The following CDKL5 variants were observed in gnomAD, a reference collection of about 807,000 sequenced individuals.
CDKL5 encodes cyclin-dependent kinase-like 5.
In CDKL5, 8 loss-of-function variants were observed where a neutral mutation model predicts 61.7. The ratio of observed to expected loss-of-function variants is 0.13; its 90% CI spans 0.08 to 0.23. The LOEUF (loss-of-function observed/expected upper bound fraction) is 0.23, where lower values mean the gene tolerates loss of function less well. Ranked by LOEUF, CDKL5 falls within the 10% of genes least tolerant of loss-of-function variation. CDKL5 has a pLI of 1.00. For missense variants in CDKL5, 440 were observed against 734.5 expected (o/e 0.60, Z 4.63); for synonymous variants, 275 against 272.3 (o/e 1.01, Z -0.10).
chrX:18,482,742 TTTAC>T (rs925670186), intron 1 of CDKL5, among the ~76,000 whole-genome samples: 2 of 110,446 alleles, frequency 1.8e-5, no homozygotes, highest in Non-Finnish European at 3.8e-5. Flanking sequence ...GAAAGGTATC[TTTAC>T]TTACGTAACT....
chrX:18,511,168 A>T (rs1211800538), intron 3 of CDKL5, among the ~76,000 whole-genome samples: 2 of 112,069 alleles, frequency 1.8e-5, no homozygotes, highest in East Asian at 5.6e-4. Flanking sequence ...TTATATGTGG[A>T]ATTTTCCACT....
chrX:18,441,443 A>G (rs899066819), intron 1 of CDKL5, among the ~76,000 whole-genome samples: 2 of 111,018 alleles, frequency 1.8e-5, no homozygotes, highest in Non-Finnish European at 3.8e-5. Context: ...CAACGTTGTT[A>G]CTTGTGTGTA....
chrX:18,520,663 A>G (rs1234894596), intron 3 of CDKL5, among the ~76,000 whole-genome samples: 1 of 111,999 alleles, frequency 8.9e-6, no homozygotes, highest in Non-Finnish European at 1.9e-5. Flanking sequence ...TGTTTTCCAC[A>G]GCAGCTGCCC....
chrX:18,440,994 G>C (rs1014025193), intron 1 of CDKL5, among the ~76,000 whole-genome samples: 2 of 111,582 alleles, frequency 1.8e-5, no homozygotes, highest in African/African-American at 6.5e-5. Context: ...TTTTATGTTA[G>C]AGGAAGAGGG....
chrX:18,567,315 GATA>G (rs1270043611), intron 4 of CDKL5, among the ~76,000 whole-genome samples: 2 of 111,923 alleles, frequency 1.8e-5, no homozygotes, highest in African/African-American at 6.5e-5. Context: ...ACAGTGTCGT[GATA>G]ATATTGCCCT....
chrX:18,436,847 C>T (rs1392929185), intron 1 of CDKL5, among the ~76,000 whole-genome samples: 2 of 95,401 alleles, frequency 2.1e-5, no homozygotes, highest in African/African-American at 8.0e-5. Flanking sequence ...TGCAGTGAGC[C>T]GTGATTATGC....
At position 18,438,190 on chromosome X, in the gene CDKL5, C is replaced by T. The variant is rs1005754453; in HGVS notation, c.-163+12495C>T. 6.3e-5 allele frequency among the ~76,000 whole-genome samples: 7 copies of T among 110,929 alleles called. No individual in the cohort carries two copies. In the East Asian group the frequency reaches 1.2e-3, roughly 18 times the overall value. On this transcript the variant is annotated intron_variant, in intron 1 of 17. Transcript: ENST00000623535. ...AAGCGATTCTCCTGCCTCAGCCTCC[C>T]GAGTAGCTGGGATTACAGGCATGTG... is the stretch of plus-strand genomic sequence containing the variant.
intron 5 of CDKL5, among the ~76,000 whole-genome samples, chrX:18,577,811 A>G (rs1341638484): frequency 1.8e-5 from 2 of 112,225 alleles, no homozygotes; most frequent in African/African-American, 6.5e-5. Flanking sequence ...CAAGAGATAC[A>G]ATTTGTTTTC....
chrX:18,625,764 C>G (rs1271727312), intron 17 of CDKL5, among the ~76,000 whole-genome samples: 1 of 111,862 alleles, frequency 8.9e-6, no homozygotes, highest in East Asian at 2.8e-4. Flanking sequence ...ACATATTAGA[C>G]TGTATTATAT....
rs1223693054 is a variant in CDKL5, at chrX:18,632,178, G to A, written c.*3421G>A. The A allele has an allele frequency of 1.3e-6, 1 of 750,875 alleles. No homozygotes were observed. Among genetic ancestry groups the A allele is most frequent in the African/African-American group, 2.3e-5 (1 of 43,310 alleles). The allele number at this position is 750,875 out of a possible 1,213,427, so 61.9% of individuals were successfully genotyped here. ...GTTCTGTCCAGGCTACAGTACTGCA[G>A]GTGTGATTTCTTCAACATCACATTC... is the stretch of plus-strand genomic sequence containing the variant. On this transcript the variant is annotated 3_prime_UTR_variant, in exon 18 of 18. Transcript: ENST00000623535.
chrX:18,428,472 G>C (rs761429433), intron 1 of CDKL5, among the ~76,000 whole-genome samples: 1 of 111,639 alleles, frequency 9.0e-6, no homozygotes, highest in East Asian at 2.8e-4. Context: ...CTAGATATTA[G>C]GTATGCTAAC....
intron 9 of CDKL5, chrX:18,589,947 G>A (rs1925773480): frequency 1.8e-5 from 2 of 112,306 alleles, no homozygotes; most frequent in Admixed American, 9.4e-5. Context: ...TTTGAGAAGT[G>A]TCTGTTCATA....
chrX:18,548,856 T>C (rs765306635), intron 3 of CDKL5, among the ~76,000 whole-genome samples: 6 of 112,395 alleles, frequency 5.3e-5, no homozygotes, highest in Non-Finnish European at 9.4e-5. Context: ...CTCGTGCCTG[T>C]TCTAAAGCAG....
intron 3 of CDKL5, among the ~76,000 whole-genome samples, chrX:18,558,571 C>T (rs1428777212): frequency 3.6e-5 from 4 of 111,385 alleles, no homozygotes; most frequent in African/African-American, 1.3e-4. Context: ...TAGCAAAGTC[C>T]AGGGAGAATT....
intron 3 of CDKL5, among the ~76,000 whole-genome samples, chrX:18,541,735 G>A (rs966508026): frequency 3.6e-5 from 4 of 111,203 alleles, no homozygotes; most frequent in Admixed American, 1.9e-4. Flanking sequence ...GCCCAGGCTC[G>A]TCTCCAACTC....
rs1927223956 is a variant in CDKL5, at chrX:18,631,136, T to C, written c.*2379T>C. 1.3e-6 allele frequency: 1 copy of C among 753,355 alleles called. No individual in the cohort carries two copies. Among genetic ancestry groups the C allele is most frequent in the East Asian group, 1.5e-4 (1 of 6,653 alleles). 62.1% of individuals were successfully genotyped at this position (753,355 alleles called of 1,213,427 possible). On this transcript the variant is annotated 3_prime_UTR_variant, in exon 18 of 18. Coordinates refer to ENST00000623535, the MANE Select transcript of CDKL5 (RefSeq NM_001323289.2). Reference sequence around the variant, plus strand: ...TGCTAACACTGGGATCTCAGATGTTTGCAGAACATTTCTATTCATGACGGT... The same window carrying C: ...TGCTAACACTGGGATCTCAGATGTTCGCAGAACATTTCTATTCATGACGGT...
intron 11 of CDKL5, among the ~76,000 whole-genome samples, chrX:18,602,319 G>T (rs188089160): frequency 1.8e-5 from 2 of 112,419 alleles, no homozygotes; most frequent in East Asian, 5.6e-4. Context: ...AAGTCGCTGA[G>T]ATATTTCAGT....
At chrX:18,620,423 G>A (rs1355588795) in intron 16 of CDKL5, among the ~76,000 whole-genome samples, 1 of 112,166 alleles carries the variant, frequency 8.9e-6, no homozygotes, top group Non-Finnish European at 1.9e-5. Flanking sequence ...GTGTTTCTGA[G>A]TTATATAGTC....
At chrX:18,567,451 C>T (rs1219102342) in intron 4 of CDKL5, among the ~76,000 whole-genome samples, 3 of 111,846 alleles carry the variant, frequency 2.7e-5, no homozygotes, top group Non-Finnish European at 5.6e-5. Context: ...CGAAATAATC[C>T]TGTAAAAATA....
Sources: allele counts gnomAD v4.1 joint callset (sites outside exome capture counted in the v4.1 genomes callset), GRCh38; gene constraint gnomAD v4.1.1; transcripts MANE v1.5; gene names NCBI Gene and HGNC (gene_info 2026-07-23, HGNC 2026-07-21).